The following FBXL20 variants were observed in gnomAD, a reference collection of about 807,000 sequenced individuals.
FBXL20 encodes F-box/LRR-repeat protein 20.
In FBXL20, 11 loss-of-function variants were observed where a neutral mutation model predicts 64.0. That is an observed-to-expected ratio of 0.17 (90% CI 0.11 to 0.28). The LOEUF (loss-of-function observed/expected upper bound fraction) is 0.28, where lower values mean the gene tolerates loss of function less well. Among genes scored for constraint, FBXL20 ranks in the 10% least tolerant of loss-of-function variants. The probability of loss-of-function intolerance (pLI) is 1.00; values close to 1 mark genes in which losing one functional copy is unlikely to be tolerated. For synonymous variants in FBXL20, 184 were observed against 189.0 expected, an observed-to-expected ratio of 0.97 and a Z score of 0.22; for missense variants, 303 against 526.2, an observed-to-expected ratio of 0.58 and a Z score of 4.15.
At chr17:39,315,870 A>AGAGAGAGAGAGAGAGAGAGAGAGC in intron 2 of FBXL20, among the ~76,000 whole-genome samples, 1 of 139,400 alleles carries the variant, frequency 7.2e-6, no homozygotes, top group East Asian at 2.1e-4. Flanking sequence ...AGAGAGAGAG[A>AGAGAGAGAGAGAGAGAGAGAGAGC]GCAACTGTAG....
rs748502324 is a variant in FBXL20 at position 39,391,847 on chromosome 17, G to GA, written c.42+9513dup. On this transcript the variant is annotated intron_variant, in intron 1 of 14. Coordinates refer to ENST00000264658, the MANE Select transcript of FBXL20 (RefSeq NM_032875.3). ...CTTTTCCGCAACTACCTCTAAAAAG[G>GA]AAAAAAAAAAAAAGGGCTGGGTGTG... 3.6e-3 allele frequency among the ~76,000 whole-genome samples: 493 copies of GA among 136,686 alleles called. 3 individuals are homozygous for GA. Among genetic ancestry groups the GA allele is most frequent in the African/African-American group, 9.4e-3 (354 of 37,522 alleles). 89.7% of individuals were successfully genotyped at this position (136,686 alleles called of 152,430 possible).
chr17:39,328,948 G>C (rs1419082217), intron 2 of FBXL20, among the ~76,000 whole-genome samples: 1 of 152,116 alleles, frequency 6.6e-6, no homozygotes, highest in Non-Finnish European at 1.5e-5. Flanking sequence ...CAGCTACTCA[G>C]GAGACAGAGG....
rs188696436 is a variant in FBXL20 at position 39,262,662 on chromosome 17, T to C, written c.1204-1095A>G. ...AAGCAGATGTTCCAATAAACATCTG[T>C]TGAGCAGAACAATCTAACACACAGA... On this transcript the variant is annotated intron_variant, in intron 14 of 14. Transcript: ENST00000264658. Among the ~76,000 whole-genome samples, 533 of 152,102 alleles carry C rather than the reference T, an allele frequency of 3.5e-3. 1 individual carries two copies. Among genetic ancestry groups the C allele is most frequent in the African/African-American group, 0.012 (509 of 41,496 alleles).
chr17:39,396,951 C>T (rs1027441309), intron 1 of FBXL20, among the ~76,000 whole-genome samples: 7 of 127,680 alleles, frequency 5.5e-5, no homozygotes, highest in African/African-American at 1.1e-4. Context: ...AGCAAGACTC[C>T]GGCTCAAAAA....
chr17:39,387,758 T>G (rs557024803), intron 1 of FBXL20, among the ~76,000 whole-genome samples: 1 of 152,004 alleles, frequency 6.6e-6, no homozygotes, highest in Non-Finnish European at 1.5e-5. Flanking sequence ...TTAAATTTTT[T>G]GTAGAGATGA....
intron 1 of FBXL20, among the ~76,000 whole-genome samples, chr17:39,391,477 C>T (rs1159240192): frequency 6.6e-6 from 1 of 151,844 alleles, no homozygotes; most frequent in African/African-American, 2.4e-5. Flanking sequence ...GGTCCAGAGA[C>T]GTAACTTACC....
chr17:39,265,339 T>C lies in FBXL20; in HGVS notation c.990+58A>G, dbSNP rs972633871. On this transcript the variant is annotated intron_variant, in intron 13 of 14. Transcript: ENST00000264658. ...CACTAAGAGCTGGGTTCTTGAACTGTAGCACTGGCTTTTGATTAAACCCAG... is the reference window on the plus strand; with the variant it reads ...CACTAAGAGCTGGGTTCTTGAACTGCAGCACTGGCTTTTGATTAAACCCAG... 3.7e-6 allele frequency: 5 copies of C among 1,353,692 alleles called. No homozygotes were observed. The African/African-American group carries it at 7.3e-5, about 20-fold the overall frequency. The allele number at this position is 1,353,692 out of a possible 1,614,324, so 83.9% of individuals were successfully genotyped here. A position where few individuals can be genotyped will look rare whatever the true frequency, so the allele number is the denominator to read the frequency against.
Position 39,265,415 on chromosome 17 carries a change from A to G in FBXL20, c.972T>C (p.Cys324=), listed in dbSNP as rs2046781974. ...AACTCACCAATACTTGAAGTCGAGG[A>G]CAGTGTATAGAAAGTTGGATTAATG... is the stretch of plus-strand genomic sequence containing the variant. ...DSTLIQLSIH[C]PRLQVLSLSH... is the part of the protein sequence containing the mutation. The change falls in exon 13 of 15, where the codon TGT becomes TGC. Residue 324 remains cysteine, a synonymous_variant. Coordinates refer to ENST00000264658, the MANE Select transcript of FBXL20 (RefSeq NM_032875.3). The G allele has an allele frequency of 1.2e-6, 2 of 1,611,644 alleles. No homozygotes were observed. The highest frequency in any genetic ancestry group is 1.3e-5 in the African/African-American group (1 of 74,834).
At chr17:39,299,952 C>A (rs900553586) in intron 4 of FBXL20, among the ~76,000 whole-genome samples, 2 of 152,042 alleles carry the variant, frequency 1.3e-5, no homozygotes, top group Non-Finnish European at 2.9e-5. Context: ...CAAAAATTAG[C>A]CGGGCATGGT....
chr17:39,370,922 TAAAG>T (rs2047912276), intron 1 of FBXL20, among the ~76,000 whole-genome samples: 3 of 151,880 alleles, frequency 2.0e-5, no homozygotes, highest in Non-Finnish European at 4.4e-5. Flanking sequence ...AACAGCTGTA[TAAAG>T]AGTTTTGTCA....
chr17:39,361,013 T>C (rs2047788790), intron 1 of FBXL20, among the ~76,000 whole-genome samples: 1 of 152,218 alleles, frequency 6.6e-6, no homozygotes, highest in Non-Finnish European at 1.5e-5. Context: ...TTGACACCCG[T>C]TCAGCCTTTG....
At chr17:39,308,325 A>G (rs1207669540) in intron 2 of FBXL20, among the ~76,000 whole-genome samples, 1 of 151,448 alleles carries the variant, frequency 6.6e-6, no homozygotes, top group Non-Finnish European at 1.5e-5. Context: ...TGAGACCCCG[A>G]CTCTGTAAAA....
intron 2 of FBXL20, among the ~76,000 whole-genome samples, chr17:39,333,998 A>T (rs1428048033): frequency 2.8e-4 from 42 of 152,226 alleles, no homozygotes; most frequent in Admixed American, 2.7e-3. Flanking sequence ...AGAACGGGCC[A>T]CGATGACGAT....
At chr17:39,351,987 T>C (rs1336209009) in intron 1 of FBXL20, among the ~76,000 whole-genome samples, 1 of 152,232 alleles carries the variant, frequency 6.6e-6, no homozygotes, top group Non-Finnish European at 1.5e-5. Flanking sequence ...CTTGTACCAA[T>C]GTAGAATTAT....
chr17:39,362,520 T>A (rs1419132074), intron 1 of FBXL20, among the ~76,000 whole-genome samples: 17 of 151,020 alleles, frequency 1.1e-4, no homozygotes, highest in African/African-American at 3.9e-4. Flanking sequence ...AGAGGTTTTC[T>A]CCATGTTGGT....
chr17:39,329,122 G>GT (rs1351637346), intron 2 of FBXL20, among the ~76,000 whole-genome samples: 1 of 152,078 alleles, frequency 6.6e-6, no homozygotes, highest in East Asian at 1.9e-4. Flanking sequence ...GGAAAAAAAA[G>GT]TAACATGACA....
At chr17:39,286,188 T>G (rs984098701) in intron 6 of FBXL20, among the ~76,000 whole-genome samples, 4 of 152,212 alleles carry the variant, frequency 2.6e-5, no homozygotes, top group Admixed American at 6.5e-5. Flanking sequence ...AGAACCCACA[T>G]GTACCATCAG....
At chr17:39,309,070 C>T (rs544742122) in intron 2 of FBXL20, among the ~76,000 whole-genome samples, 79 of 152,204 alleles carry the variant, frequency 5.2e-4, no homozygotes, top group African/African-American at 1.9e-3. Context: ...TCCAGCAAAG[C>T]CATTTTTTTT....
chr17:39,351,132 C>T (rs998780115), intron 1 of FBXL20, among the ~76,000 whole-genome samples: 2 of 151,876 alleles, frequency 1.3e-5, no homozygotes, highest in African/African-American at 4.8e-5. Context: ...GTCAGGAGTT[C>T]GAGATCAGCC....
Sources: allele counts gnomAD v4.1 joint callset (sites outside exome capture counted in the v4.1 genomes callset), GRCh38; gene constraint gnomAD v4.1.1; transcripts MANE v1.5; gene names NCBI Gene and HGNC (gene_info 2026-07-23, HGNC 2026-07-21).